ATP9A: variants seen among roughly 807,000 people sequenced by gnomAD.
ATP9A encodes ATPase phospholipid transporting 9A, also known as probable phospholipid-transporting ATPase IIA.
Under a neutral mutation model 144.1 loss-of-function variants are expected in ATP9A, and 52 were observed. The observed-to-expected ratio is 0.36, with a 90% CI of 0.29 to 0.45. The LOEUF (loss-of-function observed/expected upper bound fraction) is 0.45, where lower values mean the gene tolerates loss of function less well. Ranked by LOEUF, ATP9A falls within the 20% of genes least tolerant of loss-of-function variation. ATP9A has a pLI of 1.00. For missense variants in ATP9A, 947 were observed against 1,392.7 expected (o/e 0.68, Z 5.09); for synonymous variants, 582 against 557.4 (o/e 1.04, Z -0.62).
chr20:51,605,010 G>C lies in ATP9A; in HGVS notation c.2814C>G (p.Ile938Met). The C allele has an allele frequency of 6.2e-7, 1 of 1,607,750 alleles. No homozygotes were observed. The highest frequency in any genetic ancestry group is 8.5e-7 in the Non-Finnish European group (1 of 1,177,100). The change falls in exon 27 of 28, where the codon ATC becomes ATG. Residue 938 changes from isoleucine to methionine, a missense_variant. Coordinates refer to ENST00000338821, the MANE Select transcript of ATP9A (RefSeq NM_006045.3). ...CAAACAGCAGCAGCGCCCCGTACAT[G>C]ATGGTGCTCCCTGCAAACACCAGAG... The part of the protein sequence containing the change: ...VLISIYQGST[I>M]MYGALLLFES...
chr20:51,643,413 T>C (rs2077328855), intron 14 of ATP9A, among the ~76,000 whole-genome samples: 1 of 152,202 alleles, frequency 6.6e-6, no homozygotes, highest in African/African-American at 2.4e-5. Context: ...CTAAAATTCA[T>C]ATGTTGAAAC....
At chr20:51,726,002 G>GA (rs2077710852) in intron 2 of ATP9A, 70 bp from the exon 3 acceptor site, 1 of 965,822 alleles carries the variant, frequency 1.0e-6, no homozygotes, top group African/African-American at 1.6e-5. Context: ...CATTTGGTGG[G>GA]AAATGAATAA....
intron 18 of ATP9A, 47 bp from the exon 19 acceptor site, chr20:51,622,219 C>T (rs376310062): frequency 1.7e-5 from 26 of 1,517,156 alleles, no homozygotes; most frequent in Admixed American, 8.4e-5. Flanking sequence ...TTTTTGAGGC[C>T]GGCCTGTCAT....
chr20:51,683,054 T>G (rs1161237251), intron 9 of ATP9A, among the ~76,000 whole-genome samples: 1 of 150,094 alleles, frequency 6.7e-6, no homozygotes, highest in African/African-American at 2.4e-5. Flanking sequence ...ATCGCACCAT[T>G]GCACTCCAGC....
chr20:51,684,108 C>A (rs1030136130), intron 9 of ATP9A, among the ~76,000 whole-genome samples: 2 of 152,046 alleles, frequency 1.3e-5, no homozygotes, highest in Admixed American at 6.6e-5. Context: ...TCATTTGAAC[C>A]CAGGAGGTCG....
intron 27 of ATP9A, among the ~76,000 whole-genome samples, chr20:51,602,141 T>C (rs2122701642): frequency 6.6e-6 from 1 of 151,880 alleles, no homozygotes; most frequent in East Asian, 1.9e-4. Context: ...AGGCTTAAGC[T>C]GACCCTCAGG....
chr20:51,633,551 G>T (rs2077278425), intron 15 of ATP9A, among the ~76,000 whole-genome samples: 1 of 152,156 alleles, frequency 6.6e-6, no homozygotes, highest in South Asian at 2.1e-4. Context: ...TTTGAGACCA[G>T]CCTGTGCAAC....
At chr20:51,621,564 A>C (rs1601061913) in intron 19 of ATP9A, among the ~76,000 whole-genome samples, 1 of 152,310 alleles carries the variant, frequency 6.6e-6, no homozygotes, top group East Asian at 1.9e-4. Flanking sequence ...AATGTCTGCC[A>C]CAAGGGCGGG....
intron 14 of ATP9A, among the ~76,000 whole-genome samples, chr20:51,642,958 T>TCCCCAGC (rs568508777): frequency 6.6e-6 from 1 of 151,934 alleles, no homozygotes; most frequent in African/African-American, 2.4e-5. Context: ...CCCCGCTCTG[T>TCCCCAGC]CCCCAGCCCC....
At chr20:51,676,500 C>T (rs73133684) in intron 9 of ATP9A, among the ~76,000 whole-genome samples, 2,427 of 152,076 alleles carry the variant, frequency 0.016, 24 homozygotes, top group Middle Eastern at 0.051. Context: ...TGTTTTGAGG[C>T]GGAGTTTTAC....
chr20:51,648,568 C>T (rs2426341), intron 14 of ATP9A, among the ~76,000 whole-genome samples: 68,446 of 152,110 alleles, frequency 0.45, 16,888 homozygotes, highest in East Asian at 0.8. Context: ...GCAGTGCTTA[C>T]GCCTGTAATT....
chr20:51,649,784 G>A (rs1193514677), intron 14 of ATP9A, among the ~76,000 whole-genome samples: 1 of 151,936 alleles, frequency 6.6e-6, no homozygotes, highest in East Asian at 1.9e-4. Context: ...CGTGGTGGTA[G>A]ATGCCTGTAG....
chr20:51,639,297 AC>A, intron 15 of ATP9A, 45 bp downstream of exon 15: 2 of 1,566,168 alleles, frequency 1.3e-6, no homozygotes, highest in Non-Finnish European at 1.7e-6. Context: ...CACGCAGCAC[AC>A]CTGGGGTACT....
intron 15 of ATP9A, 85 bp downstream of exon 15, chr20:51,639,258 G>A (rs915397905): frequency 4.3e-6 from 6 of 1,392,142 alleles, no homozygotes; most frequent in South Asian, 4.1e-5. Flanking sequence ...AGTAAAGAGG[G>A]TTAGAAAGAA....
chr20:51,632,024 C>T (rs2077271989), intron 15 of ATP9A, among the ~76,000 whole-genome samples: 2 of 152,212 alleles, frequency 1.3e-5, no homozygotes, highest in African/African-American at 4.8e-5. Flanking sequence ...TCCACAGTCA[C>T]TAAACCAAGT....
At chr20:51,637,585 A>C (rs2077297773) in intron 15 of ATP9A, among the ~76,000 whole-genome samples, 1 of 152,178 alleles carries the variant, frequency 6.6e-6, no homozygotes, top group African/African-American at 2.4e-5. Flanking sequence ...TGTAAGGCTG[A>C]AGGAGAAGTT....
intron 4 of ATP9A, among the ~76,000 whole-genome samples, chr20:51,707,853 T>TTG (rs146098575): frequency 0.18 from 26,563 of 150,468 alleles, 2,614 homozygotes; most frequent in African/African-American, 0.26. Context: ...TCAACTGTGT[T>TTG]TGTGTGTGTG....
chr20:51,655,709 G>A (rs532206340), intron 14 of ATP9A, among the ~76,000 whole-genome samples: 3 of 151,696 alleles, frequency 2.0e-5, no homozygotes, highest in South Asian at 2.1e-4. Flanking sequence ...AGCCACTTTT[G>A]GAAAACAGAC....
rs1412856612 is a variant in ATP9A, at chr20:51,719,748, G to GAAAA, written c.327+6070_327+6071insTTTT. ...CTCTGTCTCAAAAAAAAAAAAAAGG[G>GAAAA]GGGGGAAGAAGAAACGGGCTGGGCA... On this transcript the variant is annotated intron_variant, in intron 3 of 27. Coordinates refer to ENST00000338821, the MANE Select transcript of ATP9A (RefSeq NM_006045.3). Among the ~76,000 whole-genome samples the GAAAA allele has an allele frequency of 5.2e-4, 48 of 92,160 alleles. No individual in the cohort carries two copies. In the East Asian group the frequency reaches 8.6e-3, roughly 17 times the overall value. 60.5% of individuals were successfully genotyped at this position (92,160 alleles called of 152,430 possible).
Sources: allele counts gnomAD v4.1 joint callset (sites outside exome capture counted in the v4.1 genomes callset), GRCh38; gene constraint gnomAD v4.1.1; transcripts MANE v1.5; gene names NCBI Gene and HGNC (gene_info 2026-07-23, HGNC 2026-07-21).